The following RANBP2 variants were observed in gnomAD, a reference collection of about 807,000 sequenced individuals.
RANBP2 encodes E3 SUMO-protein ligase RanBP2.
In RANBP2, 57 loss-of-function variants were observed where a neutral mutation model predicts 303.6. That is an observed-to-expected ratio of 0.19 (90% CI 0.15 to 0.23). The LOEUF (loss-of-function observed/expected upper bound fraction) is 0.23, where lower values mean the gene tolerates loss of function less well. RANBP2 is among the 10% of genes least tolerant of loss of function. RANBP2 has a pLI of 1.00. For missense variants in RANBP2, 3,138 were observed against 3,780.8 expected (o/e 0.83, Z 4.46); for synonymous variants, 1,167 against 1,301.5 (o/e 0.90, Z 2.23).
At chr2:108,917,687 C>G in the RANBP2 span, among the ~76,000 whole-genome samples, 1 of 152,126 alleles carries the variant, frequency 6.6e-6, no homozygotes, top group African/African-American at 2.4e-5. Context: ...CCATCCCTGG[C>G]TGCAGGGCTG....
chr2:109,563,190 C>T, the RANBP2 span, among the ~76,000 whole-genome samples: 1 of 152,108 alleles, frequency 6.6e-6, no homozygotes, highest in Non-Finnish European at 1.5e-5. Flanking sequence ...GGATTACAGG[C>T]CATGAACCAC....
At chr2:109,264,348 T>C in the RANBP2 span, among the ~76,000 whole-genome samples, 2 of 143,492 alleles carry the variant, frequency 1.4e-5, no homozygotes, top group Non-Finnish European at 3.0e-5. Context: ...CAGGATCCAC[T>C]CCGAGTCTGT....
chr2:109,718,945 G>A, the RANBP2 span, among the ~76,000 whole-genome samples: 2 of 145,354 alleles, frequency 1.4e-5, no homozygotes, highest in Non-Finnish European at 1.5e-5. Context: ...GGGAGTCAGA[G>A]GTTGCAGTGA....
At chr2:108,949,806 A>C in the RANBP2 span, among the ~76,000 whole-genome samples, 10 of 152,228 alleles carry the variant, frequency 6.6e-5, no homozygotes, top group Non-Finnish European at 1.3e-4. Flanking sequence ...TATGTAGCCA[A>C]TGATTTATCA....
chr2:109,545,176 T>C, the RANBP2 span: 1 of 984,686 alleles, frequency 1.0e-6, no homozygotes, highest in African/African-American at 1.7e-5. Context: ...AGCACAGAGG[T>C]AGCTAGAGTA....
At chr2:109,395,457 G>A in the RANBP2 span, among the ~76,000 whole-genome samples, 9 of 152,294 alleles carry the variant, frequency 5.9e-5, no homozygotes, top group Non-Finnish European at 1.3e-4. Context: ...GGGATGCTGG[G>A]GATGCTGAAG....
the RANBP2 span, among the ~76,000 whole-genome samples, chr2:109,133,622 C>T: frequency 1.3e-5 from 2 of 152,102 alleles, no homozygotes; most frequent in Admixed American, 1.3e-4. Flanking sequence ...TTAAATAGGA[C>T]CTCTCCACTA....
chr2:109,357,050 C>A, the RANBP2 span, among the ~76,000 whole-genome samples: 1 of 151,686 alleles, frequency 6.6e-6, no homozygotes, highest in Non-Finnish European at 1.5e-5. Flanking sequence ...TAGACTGTTA[C>A]CTTTTTAAAA....
chr2:109,227,777 A>C, the RANBP2 span, among the ~76,000 whole-genome samples: 6 of 151,984 alleles, frequency 3.9e-5, no homozygotes, highest in African/African-American at 1.5e-4. Context: ...TGGGTAGGTC[A>C]CCCCCCAGCC....
chr2:108,793,944 C>G, the RANBP2 span, among the ~76,000 whole-genome samples: 7 of 152,020 alleles, frequency 4.6e-5, no homozygotes, highest in Non-Finnish European at 1.0e-4. Flanking sequence ...AAGCCACGTA[C>G]GAGACTGTAG....
the RANBP2 span, among the ~76,000 whole-genome samples, chr2:109,330,682 G>GATGAGTGATGGATGGATGT: frequency 5.3e-5 from 8 of 152,126 alleles, no homozygotes; most frequent in African/African-American, 1.7e-4. Context: ...TGGATGGATG[G>GATGAGTGATGGATGGATGT]ATGAATGATG....
the RANBP2 span, among the ~76,000 whole-genome samples, chr2:109,236,522 T>C: frequency 6.6e-6 from 1 of 152,170 alleles, no homozygotes; most frequent in African/African-American, 2.4e-5. Context: ...AGGAAATAAA[T>C]GGTATATTTT....
At chr2:109,273,530 C>CTGGGCACGTGT in the RANBP2 span, among the ~76,000 whole-genome samples, 1 of 152,234 alleles carries the variant, frequency 6.6e-6, no homozygotes, top group East Asian at 1.9e-4. Context: ...ACCCCACTCA[C>CTGGGCACGTGT]TGGGCACGTG....
At chr2:108,982,084 A>G in the RANBP2 span, among the ~76,000 whole-genome samples, 4 of 152,242 alleles carry the variant, frequency 2.6e-5, no homozygotes, top group Non-Finnish European at 5.9e-5. Context: ...CAATTTGGCT[A>G]TCTCTCCTAT....
At chr2:109,508,647 C>A in the RANBP2 span, among the ~76,000 whole-genome samples, 1 of 151,900 alleles carries the variant, frequency 6.6e-6, no homozygotes, top group East Asian at 1.9e-4. Flanking sequence ...AAAATGGAAG[C>A]AGATGAAAGC....
the RANBP2 span, among the ~76,000 whole-genome samples, chr2:109,636,774 C>A: frequency 6.6e-6 from 1 of 152,010 alleles, no homozygotes; most frequent in East Asian, 1.9e-4. Context: ...CCCGTCACTA[C>A]CAAAAATATA....
chr2:109,607,627 T>C, the RANBP2 span, among the ~76,000 whole-genome samples: 25 of 152,348 alleles, frequency 1.6e-4, no homozygotes, highest in Middle Eastern at 3.4e-3. Flanking sequence ...AAATCTGTTA[T>C]TAATTACATT....
chr2:109,318,807 G>C, the RANBP2 span, among the ~76,000 whole-genome samples: 1 of 152,212 alleles, frequency 6.6e-6, no homozygotes, highest in African/African-American at 2.4e-5. Flanking sequence ...CTGGCCTGAG[G>C]CCACCCATCC....
the RANBP2 span, among the ~76,000 whole-genome samples, chr2:108,951,996 C>A: frequency 2.3e-4 from 35 of 152,208 alleles, no homozygotes; most frequent in Admixed American, 3.9e-4. Context: ...CAGGCAGGAC[C>A]AAGAATATTT....
Sources: gnomAD v4.1 joint callset for allele counts (sites outside exome capture counted in the v4.1 genomes callset) on GRCh38, gnomAD v4.1.1 for gene constraint, MANE v1.5 for transcripts, NCBI Gene and HGNC (gene_info 2026-07-23, HGNC 2026-07-21) for gene names.